Variants in DHX33 observed in about 807,000 individuals in gnomAD.
The protein encoded by DHX33 is DEAH-box helicase 33, also known as ATP-dependent RNA helicase DHX33.
A neutral mutation model predicts 72.5 loss-of-function variants in DHX33; 42 were observed. The observed-to-expected ratio is 0.58, with a 90% CI of 0.45 to 0.75. DHX33 has a LOEUF of 0.75. Among genes scored for constraint, DHX33 ranks in the 30% least tolerant of loss-of-function variants. DHX33 has a pLI of 0.00. For missense variants in DHX33, 842 were observed against 917.5 expected (o/e 0.92, Z 1.06); for synonymous variants, 358 against 366.1 (o/e 0.98, Z 0.25).
chr17:5,459,264 C>CT (rs765736662), intron 4 of DHX33, among the ~76,000 whole-genome samples: 5 of 151,714 alleles, frequency 3.3e-5, no homozygotes, highest in Admixed American at 6.6e-5. Context: ...TCTCAGAAAG[C>CT]TAATAGGAAG....
In DHX33 at chr17:5,444,524, A is replaced by C. The variant is rs1340456416; in HGVS notation, c.1816-11T>G. The C allele has an allele frequency of 1.9e-6, 3 of 1,610,796 alleles. No homozygotes were observed. The South Asian group carries it at 3.3e-5, about 18-fold the overall frequency. Reference sequence around the variant, plus strand: ...GATTGGCATTGACATCTGTTTCGGGAGAAAGCGAGGAATGGAGCCGACCCC... The same window carrying C: ...GATTGGCATTGACATCTGTTTCGGGCGAAAGCGAGGAATGGAGCCGACCCC... On this transcript the variant is annotated splice_polypyrimidine_tract_variant and intron_variant, in intron 11 of 11. Transcript: ENST00000225296. This position sits in a 1 kb window ranked among gnomAD's most constrained non-coding sequence, Gnocchi z 4.9.
intron 5 of DHX33, among the ~76,000 whole-genome samples, chr17:5,455,644 G>C (rs2151687639): frequency 6.6e-6 from 1 of 152,302 alleles, no homozygotes; most frequent in Admixed American, 6.5e-5. Flanking sequence ...GTTCCCACGA[G>C]GATGACAGAC....
At chr17:5,462,016 C>T (rs908751456) in intron 3 of DHX33, among the ~76,000 whole-genome samples, 37 of 150,056 alleles carry the variant, frequency 2.5e-4, no homozygotes, top group African/African-American at 6.9e-4. Flanking sequence ...CTCAGCTCAC[C>T]GCAACCTCCG....
chr17:5,447,624 CAAAAAAAAAGAAAG>C (rs1916710772), intron 11 of DHX33, among the ~76,000 whole-genome samples: 1 of 148,368 alleles, frequency 6.7e-6, no homozygotes, highest in Non-Finnish European at 1.5e-5. Flanking sequence ...AACTCCGTCT[CAAAAAAAAAGAAAG>C]GAAAAAAAAC....
At chr17:5,463,435 A>G in intron 2 of DHX33, 94 bp downstream of exon 2, 2 of 1,324,272 alleles carry the variant, frequency 1.5e-6, no homozygotes, top group East Asian at 4.7e-5. Context: ...CTCACTATGT[A>G]AAAGGAGTCT....
chr17:5,462,596 A>G (rs777150605), intron 2 of DHX33, 50 bp from the exon 3 acceptor site: 1 of 1,445,754 alleles, frequency 6.9e-7, no homozygotes, highest in South Asian at 1.2e-5. Flanking sequence ...TTGAGCGCCC[A>G]CTGTGTCCGG....
rs746693056 is a variant in DHX33, at chr17:5,450,336, T to C, written c.1595A>G (p.Asp532Gly). 1 of 1,614,154 alleles carries C rather than the reference T, an allele frequency of 6.2e-7. No homozygotes were observed. The highest frequency in any genetic ancestry group is 1.1e-5 in the South Asian group (1 of 91,080). ...ILTIVSLLSV[D>G]SVLHNPPSRR... is the part of the protein sequence containing the mutation. The stretch of plus-strand genomic sequence containing the variant: ...GGAAGGAGGGTTGTGGAGGACGCTG[T>C]CCACAGACAGCAGGGAGACAATGGT... The change falls in exon 10 of 12, where the codon GAC (aspartate) becomes GGC (glycine). Residue 532 changes from aspartate to glycine, a missense_variant. By Grantham distance (94) the Asp-to-Gly change is moderately conservative. Transcript: ENST00000225296.
chr17:5,453,153 T>C (rs1917024377), intron 8 of DHX33, among the ~76,000 whole-genome samples: 1 of 152,236 alleles, frequency 6.6e-6, no homozygotes, highest in Admixed American at 6.5e-5. Flanking sequence ...TTCTGTAGTA[T>C]CCCAAGGACT....
chr17:5,457,524 T>C (rs1904376991), intron 4 of DHX33, among the ~76,000 whole-genome samples: 1 of 149,980 alleles, frequency 6.7e-6, no homozygotes, highest in Non-Finnish European at 1.5e-5. Flanking sequence ...CAAGAATCAC[T>C]TGGACCTGGG....
chr17:5,460,758 C>T (rs919972165), intron 4 of DHX33, among the ~76,000 whole-genome samples, 181 bp downstream of exon 4: 16 of 152,226 alleles, frequency 1.1e-4, no homozygotes, highest in African/African-American at 2.4e-4. Context: ...CCACCTGCCT[C>T]GGCCTCCCAA....
At position 5,456,069 on chromosome 17, in the gene DHX33, C is replaced by G; in HGVS notation, c.963G>C (p.Ala321=). ...IAKHLPDGCP[A]MLVLPLYASL... ...AGGCGTACAGAGGAAGGACCAGCAT[C>G]GCAGGGCAGCCGTCTGGGAGGTGCT... is the stretch of plus-strand genomic sequence containing the variant. The change falls in exon 5 of 12, where the codon GCG becomes GCC. Residue 321 remains alanine, a synonymous_variant. Transcript: ENST00000225296. The G allele has an allele frequency of 6.2e-7, 1 of 1,613,742 alleles. No individual in the cohort carries two copies. The highest frequency in any genetic ancestry group is 1.1e-5 in the South Asian group (1 of 91,042).
At chr17:5,460,253 A>T (rs1178054544) in intron 4 of DHX33, among the ~76,000 whole-genome samples, 1 of 151,550 alleles carries the variant, frequency 6.6e-6, no homozygotes, top group Non-Finnish European at 1.5e-5. Flanking sequence ...TGACTTCATG[A>T]TCCACCCGCC....
chr17:5,466,539 T>C lies in DHX33; in HGVS notation c.289+2032A>G, dbSNP rs1904882089. ...ACAGCTTTGTTGAAATAGCTCTCGATGGGATGGATCCACGATCAATAGTGT... is the reference window on the plus strand; with the variant it reads ...ACAGCTTTGTTGAAATAGCTCTCGACGGGATGGATCCACGATCAATAGTGT... On this transcript the variant is annotated intron_variant, in intron 1 of 11. Coordinates refer to ENST00000225296, the MANE Select transcript of DHX33 (RefSeq NM_020162.4). 2.0e-5 allele frequency among the ~76,000 whole-genome samples: 3 copies of C among 152,208 alleles called. No individual in the cohort carries two copies. The South Asian group carries it at 6.2e-4, about 31-fold the overall frequency.
At chr17:5,459,194 G>A (rs751221264) in intron 4 of DHX33, among the ~76,000 whole-genome samples, 2 of 152,116 alleles carry the variant, frequency 1.3e-5, no homozygotes, top group African/African-American at 2.4e-5. Flanking sequence ...ATGAGACCCC[G>A]TCTCTAAATA....
Position 5,442,640 on chromosome 17 carries a change from A to C in DHX33, c.*1565T>G, listed in dbSNP as rs1723376555. The C allele has an allele frequency of 6.6e-6, 1 of 152,190 alleles. No individual in the cohort carries two copies. The highest frequency in any genetic ancestry group is 2.1e-4 in the South Asian group (1 of 4,832). The allele number at this position is 152,190 out of a possible 1,614,324, so 9.4% of individuals were successfully genotyped here. A position where few individuals can be genotyped will look rare whatever the true frequency, so the allele number is the denominator to read the frequency against. ...GACCCTGGAATGGGGCTGCTCCATC[A>C]GGCCACAGCTTCCAGAAAGAGAGCA... On this transcript the variant is annotated 3_prime_UTR_variant, in exon 12 of 12. Coordinates refer to ENST00000225296, the MANE Select transcript of DHX33 (RefSeq NM_020162.4).
chr17:5,461,482 G>A lies in DHX33; in HGVS notation c.679-373C>T, dbSNP rs1023852092. 9.1e-5 allele frequency: 14 copies of A among 153,190 alleles called. No homozygotes were observed. The East Asian group carries it at 1.2e-3, about 13-fold the overall frequency. The allele number at this position is 153,190 out of a possible 1,614,324, so 9.5% of individuals were successfully genotyped here. ...AAAATACAAAAAATTAGCCAGGTGC[G>A]GTGGTGGGCGCCTGTAGTCCCAGCT... On this transcript the variant is annotated intron_variant, in intron 3 of 11. Transcript: ENST00000225296.
At position 5,457,458 on chromosome 17, in the gene DHX33, A is replaced by G. The variant is rs145087389; in HGVS notation, c.850-1276T>C. 6.9e-3 allele frequency among the ~76,000 whole-genome samples: 1,054 copies of G among 151,800 alleles called. 7 individuals are homozygous for G. The highest frequency in any genetic ancestry group is 0.011 in the Non-Finnish European group (716 of 67,948). ...TCCAACACAGTGAAATCCCATCTCT[A>G]TTAAAAATACAAAAGTTAGCTAGGT... On this transcript the variant is annotated intron_variant, in intron 4 of 11. Coordinates refer to ENST00000225296, the MANE Select transcript of DHX33 (RefSeq NM_020162.4).
chr17:5,450,502 G>A, intron 9 of DHX33, 96 bp from the exon 10 acceptor site: 1 of 1,282,996 alleles, frequency 7.8e-7, no homozygotes, highest in Non-Finnish European at 1.1e-6. Context: ...CCCTTCTAAG[G>A]AGTTAAAGGG....
intron 5 of DHX33, among the ~76,000 whole-genome samples, chr17:5,455,661 T>C (rs1439246986): frequency 6.6e-6 from 1 of 152,212 alleles, no homozygotes; most frequent in Non-Finnish European, 1.5e-5. Flanking sequence ...AGACAGTGGA[T>C]ATAAATGCTA....
Sources: gnomAD v4.1 joint callset for allele counts (sites outside exome capture counted in the v4.1 genomes callset) on GRCh38, gnomAD v4.1.1 for gene constraint, Gnocchi (gnomAD v3.1) non-coding constraint, MANE v1.5 for transcripts, NCBI Gene and HGNC (gene_info 2026-07-23, HGNC 2026-07-21) for gene names.